CFAP299: variants seen among roughly 807,000 people sequenced by gnomAD.
CFAP299 encodes the protein cilia- and flagella-associated protein 299.
In CFAP299, 21 loss-of-function variants were observed where a neutral mutation model predicts 27.0. That is an observed-to-expected ratio of 0.78 (90% CI 0.55 to 1.12). The LOEUF (loss-of-function observed/expected upper bound fraction) is 1.12, where lower values mean the gene tolerates loss of function less well. Among genes scored for constraint, CFAP299 ranks in the 50% most tolerant of loss-of-function variants. The pLI, the probability that CFAP299 is intolerant of heterozygous loss-of-function variation, is 0.00. For missense variants in CFAP299, 310 were observed against 276.6 expected, an observed-to-expected ratio of 1.12 and a Z score of -0.86; for synonymous variants, 104 against 98.1, an observed-to-expected ratio of 1.06 and a Z score of -0.36.
At chr4:80,611,752 T>C (rs903273742) in intron 3 of CFAP299, among the ~76,000 whole-genome samples, 1 of 152,066 alleles carries the variant, frequency 6.6e-6, no homozygotes, top group Non-Finnish European at 1.5e-5. Flanking sequence ...AACTCCCTGT[T>C]AACTGAAGGA....
intron 3 of CFAP299, among the ~76,000 whole-genome samples, chr4:80,850,734 G>T (rs1408062631): frequency 6.6e-6 from 1 of 151,944 alleles, no homozygotes; most frequent in African/African-American, 2.4e-5. Flanking sequence ...TTTTAGAGAA[G>T]AATTTCTTAG....
rs1268280323 is a variant in CFAP299 at position 80,528,810 on chromosome 4, A to G, written c.243-54283A>G. Among the ~76,000 whole-genome samples, 4 of 152,118 alleles carry G rather than the reference A, an allele frequency of 2.6e-5. No individual in the cohort carries two copies. The East Asian group carries it at 5.8e-4, about 22-fold the overall frequency. ...TAATATTTAAATTTCAGTGTATGGC[A>G]TCACCATCTGCTGCCCAGTATCTCA... On this transcript the variant is annotated intron_variant, in intron 2 of 5. Transcript: ENST00000358105.
chr4:80,657,777 T>A (rs7661696), intron 3 of CFAP299, among the ~76,000 whole-genome samples: 11,532 of 152,170 alleles, frequency 0.076, 643 homozygotes, highest in East Asian at 0.23. Context: ...AAGTCGATGG[T>A]AGCTTGATGG....
chr4:80,445,268 C>T (rs902775854), intron 2 of CFAP299, among the ~76,000 whole-genome samples: 15 of 152,142 alleles, frequency 9.9e-5, no homozygotes, highest in African/African-American at 3.4e-4. Context: ...AGACTTGGAA[C>T]CAACCCAGAT....
At chr4:80,947,409 C>G (rs899503069) in intron 5 of CFAP299, among the ~76,000 whole-genome samples, 1 of 152,082 alleles carries the variant, frequency 6.6e-6, no homozygotes, top group Non-Finnish European at 1.5e-5. Flanking sequence ...TAAACAGAGT[C>G]CTAGGCTTTA....
intron 2 of CFAP299, among the ~76,000 whole-genome samples, chr4:80,412,273 C>CTTT (rs11446475): frequency 1.6e-4 from 23 of 146,672 alleles, no homozygotes; most frequent in Admixed American, 4.1e-4. Context: ...ACATATAGTC[C>CTTT]TTTTTTTTTT....
chr4:80,486,266 C>G (rs1477566585), intron 2 of CFAP299, among the ~76,000 whole-genome samples: 2 of 152,178 alleles, frequency 1.3e-5, no homozygotes, highest in Non-Finnish European at 2.9e-5. Flanking sequence ...CTAGAGGAAG[C>G]CTGCAAATGC....
chr4:80,623,707 G>T (rs960938493), intron 3 of CFAP299, among the ~76,000 whole-genome samples: 3 of 152,148 alleles, frequency 2.0e-5, no homozygotes, highest in Non-Finnish European at 2.9e-5. Context: ...AAGAAAGTGA[G>T]CATATAATTT....
chr4:80,416,291 A>G (rs1727002063), intron 2 of CFAP299, among the ~76,000 whole-genome samples: 1 of 152,246 alleles, frequency 6.6e-6, no homozygotes, highest in South Asian at 2.1e-4. Context: ...CAAACATGTT[A>G]CGAATTCATG....
chr4:80,426,813 G>T (rs1727552444), intron 2 of CFAP299, among the ~76,000 whole-genome samples: 1 of 152,146 alleles, frequency 6.6e-6, no homozygotes, highest in South Asian at 2.1e-4. Context: ...TTAAGCCTCG[G>T]TTTTCTTCCT....
chr4:80,684,978 C>T (rs1720091732), intron 3 of CFAP299, among the ~76,000 whole-genome samples: 2 of 152,030 alleles, frequency 1.3e-5, no homozygotes, highest in East Asian at 1.9e-4. Flanking sequence ...TTCATATAAA[C>T]GGTACAATAA....
rs549885837 is a variant in CFAP299 at position 80,600,462 on chromosome 4, C to T, written c.333+17279C>T. Among the ~76,000 whole-genome samples, 42 of 152,178 alleles carry T rather than the reference C, an allele frequency of 2.8e-4. 1 individual carries two copies. The highest frequency in any genetic ancestry group is 8.3e-4 in the South Asian group (4 of 4,830). Reference sequence around the variant, plus strand: ...CAGCTTCTGTTTAGGTCTGTTTTCTCTTTTGACAGTGTACGTTTATTTTCC... The same window carrying T: ...CAGCTTCTGTTTAGGTCTGTTTTCTTTTTTGACAGTGTACGTTTATTTTCC... On this transcript the variant is annotated intron_variant, in intron 3 of 5. Transcript: ENST00000358105.
chr4:80,349,750 AT>A (rs748451503), intron 1 of CFAP299, among the ~76,000 whole-genome samples: 131 of 152,316 alleles, frequency 8.6e-4, no homozygotes, highest in Non-Finnish European at 1.5e-3. Flanking sequence ...GATAAGGAGT[AT>A]TTTCAAACAC....
intron 2 of CFAP299, among the ~76,000 whole-genome samples, chr4:80,520,408 G>A (rs1732852717): frequency 6.6e-6 from 1 of 152,116 alleles, no homozygotes; most frequent in Non-Finnish European, 1.5e-5. Context: ...ACACAATAGG[G>A]AAAATTATGC....
At position 80,438,076 on chromosome 4, in the gene CFAP299, G is replaced by C. The variant is rs181880396; in HGVS notation, c.242+75192G>C. Reference sequence around the variant, plus strand: ...GCTTGCTGTGTCATTGGGGAAGTTAGATGATAAACAAGATAAATAAGTACA... The same window carrying C: ...GCTTGCTGTGTCATTGGGGAAGTTACATGATAAACAAGATAAATAAGTACA... On this transcript the variant is annotated intron_variant, in intron 2 of 5. Coordinates refer to ENST00000358105, the MANE Select transcript of CFAP299 (RefSeq NM_152770.3). Among the ~76,000 whole-genome samples, 402 of 152,320 alleles carry C rather than the reference G, an allele frequency of 2.6e-3. 3 individuals are homozygous for C. The highest frequency in any genetic ancestry group is 4.8e-3 in the Non-Finnish European group (325 of 68,036).
chr4:80,472,606 T>C (rs1185306250), intron 2 of CFAP299, among the ~76,000 whole-genome samples: 1 of 152,046 alleles, frequency 6.6e-6, no homozygotes, highest in Non-Finnish European at 1.5e-5. Flanking sequence ...GAATGAGACA[T>C]AGGATTTATT....
intron 3 of CFAP299, among the ~76,000 whole-genome samples, chr4:80,808,853 C>T (rs1420795652): frequency 6.6e-6 from 1 of 151,956 alleles, no homozygotes; most frequent in Non-Finnish European, 1.5e-5. Flanking sequence ...GGTACATAGT[C>T]CCATGATTTA....
chr4:80,688,135 G>A (rs1054405935), intron 3 of CFAP299, among the ~76,000 whole-genome samples: 3 of 152,232 alleles, frequency 2.0e-5, no homozygotes, highest in Admixed American at 2.0e-4. Flanking sequence ...CATTGCCCAG[G>A]CTTGCTTAGG....
intron 2 of CFAP299, among the ~76,000 whole-genome samples, chr4:80,572,358 C>T (rs1735622700): frequency 6.6e-6 from 1 of 151,900 alleles, no homozygotes. Flanking sequence ...CATCATTCTA[C>T]TCTCTATCAT....
Sources: allele counts gnomAD v4.1 joint callset (sites outside exome capture counted in the v4.1 genomes callset), GRCh38; gene constraint gnomAD v4.1.1; transcripts MANE v1.5; gene names NCBI Gene and HGNC (gene_info 2026-07-23, HGNC 2026-07-21).